Variants in SLC9D1 observed in about 807,000 individuals in gnomAD.
SLC9D1 encodes the protein solute carrier family 9 member D1.
chr13:113,512,657 G>T, the SLC9D1 span, among the ~76,000 whole-genome samples: 1,228 of 150,816 alleles, frequency 8.1e-3, 7 homozygotes, highest in Non-Finnish European at 0.014. Flanking sequence ...ACTGGAAGGG[G>T]GCTGGAGTGT....
At chr13:113,510,799 C>T in the SLC9D1 span, among the ~76,000 whole-genome samples, 2 of 152,250 alleles carry the variant, frequency 1.3e-5, no homozygotes, top group East Asian at 3.8e-4. Context: ...GGAATTGATA[C>T]ACTTTTGATA....
At chr13:113,503,379 GTGTGTA>G in the SLC9D1 span, 505 of 631,546 alleles carry the variant, frequency 8.0e-4, no homozygotes, top group African/African-American at 8.3e-3. Flanking sequence ...GTGTGTGTGT[GTGTGTA>G]TGTGTGTTTT....
chr13:113,533,750 G>C, the SLC9D1 span, among the ~76,000 whole-genome samples: 1 of 152,186 alleles, frequency 6.6e-6, no homozygotes, highest in African/African-American at 2.4e-5. Context: ...GAATTTTATC[G>C]TCAGGCATCA....
At chr13:113,516,744 C>T in the SLC9D1 span, among the ~76,000 whole-genome samples, 23 of 152,238 alleles carry the variant, frequency 1.5e-4, no homozygotes, top group Non-Finnish European at 2.8e-4. Flanking sequence ...CTAGCCCCTT[C>T]GAGGGGCCCA....
chr13:113,517,254 G>A, the SLC9D1 span, among the ~76,000 whole-genome samples: 7 of 152,056 alleles, frequency 4.6e-5, no homozygotes, highest in Non-Finnish European at 5.9e-5. Context: ...TGTTGTTGAG[G>A]AGGAGTCTCG....
chr13:113,543,274 G>GTCCGTGA, the SLC9D1 span, among the ~76,000 whole-genome samples: 1 of 8,682 alleles, frequency 1.2e-4, no homozygotes, highest in African/African-American at 1.1e-3. Flanking sequence ...TCCTCTCCCT[G>GTCCGTGA]CCCCCACTCT....
the SLC9D1 span, chr13:113,510,473 A>T: frequency 9.0e-6 from 14 of 1,563,286 alleles, no homozygotes; most frequent in Non-Finnish European, 1.2e-5. Context: ...GCTCGTGTGT[A>T]GGTGACTTTT....
At chr13:113,526,626 G>A in the SLC9D1 span, among the ~76,000 whole-genome samples, 1 of 152,326 alleles carries the variant, frequency 6.6e-6, no homozygotes, top group Admixed American at 6.5e-5. Flanking sequence ...GGCGAAGGCT[G>A]TAGGATTGCT....
chr13:113,499,024 G>A, the SLC9D1 span, among the ~76,000 whole-genome samples: 1 of 152,222 alleles, frequency 6.6e-6, no homozygotes, highest in South Asian at 2.1e-4. Context: ...TACATGCTAA[G>A]CAAGGGGTAG....
the SLC9D1 span, among the ~76,000 whole-genome samples, chr13:113,533,850 C>T: frequency 0.42 from 63,627 of 152,142 alleles, 14,949 homozygotes; most frequent in African/African-American, 0.63. Context: ...ATGCAGCTTC[C>T]ACCTTTGGCT....
At chr13:113,501,002 A>G in the SLC9D1 span, among the ~76,000 whole-genome samples, 1,189 of 152,218 alleles carry the variant, frequency 7.8e-3, 8 homozygotes, top group Admixed American at 0.011. Flanking sequence ...TGAGACTGTA[A>G]GTATCCTGCT....
chr13:113,495,730 T>G, the SLC9D1 span: 14 of 1,613,848 alleles, frequency 8.7e-6, no homozygotes. Flanking sequence ...CGGCAGTGGG[T>G]CCGGGACAGC....
chr13:113,521,013 A>G, the SLC9D1 span, among the ~76,000 whole-genome samples: 1 of 152,160 alleles, frequency 6.6e-6, no homozygotes, highest in Admixed American at 6.5e-5. Context: ...GGAATGAATG[A>G]GTTCCGATAG....
At chr13:113,525,984 C>A in the SLC9D1 span, among the ~76,000 whole-genome samples, 2 of 151,418 alleles carry the variant, frequency 1.3e-5, no homozygotes, top group Non-Finnish European at 2.9e-5. Context: ...GACGACAGCT[C>A]TGTGCCGGTT....
chr13:113,538,606 G>A, the SLC9D1 span, among the ~76,000 whole-genome samples: 3,543 of 152,382 alleles, frequency 0.023, 65 homozygotes, highest in Non-Finnish European at 0.034. Flanking sequence ...GTGTCTTGCA[G>A]TGTCAGGTGC....
chr13:113,503,164 A>G, the SLC9D1 span, among the ~76,000 whole-genome samples: 1 of 152,256 alleles, frequency 6.6e-6, no homozygotes, highest in Admixed American at 6.5e-5. Flanking sequence ...AAAGGTGCTC[A>G]TAAACCAACA....
chr13:113,508,247 T>C, the SLC9D1 span, among the ~76,000 whole-genome samples: 1 of 152,254 alleles, frequency 6.6e-6, no homozygotes, highest in South Asian at 2.1e-4. Flanking sequence ...GCTAGAGAGA[T>C]TGCTACCCAC....
At chr13:113,514,454 C>T in the SLC9D1 span, 10 of 151,110 alleles carry the variant, frequency 6.6e-5, no homozygotes, top group Non-Finnish European at 1.0e-4. Flanking sequence ...CGCTAGTATT[C>T]GGGGTGCAGG....
chr13:113,510,447 T>C, the SLC9D1 span: 11 of 1,600,736 alleles, frequency 6.9e-6, no homozygotes, highest in Non-Finnish European at 8.5e-6. Context: ...ATGTTCTGAG[T>C]GCGTGTCTAA....
Sources: allele counts gnomAD v4.1 joint callset (sites outside exome capture counted in the v4.1 genomes callset), GRCh38; gene constraint gnomAD v4.1.1; transcripts MANE v1.5; gene names NCBI Gene and HGNC (gene_info 2026-07-23, HGNC 2026-07-21).